Variants in SPOCK3 observed in about 807,000 individuals in gnomAD.
SPOCK3 encodes testican-3.
In SPOCK3, 30 loss-of-function variants were observed where a neutral mutation model predicts 56.6. That is an observed-to-expected ratio of 0.53 (90% confidence interval 0.40 to 0.72). The LOEUF (loss-of-function observed/expected upper bound fraction) is 0.72, where lower values mean the gene tolerates loss of function less well. Ranked by LOEUF, SPOCK3 falls within the 30% of genes least tolerant of loss-of-function variation. SPOCK3 has a pLI of 0.00. For synonymous variants in SPOCK3, 196 were observed against 183.3 expected (o/e 1.07, Z -0.56); for missense variants, 527 against 530.0 (o/e 0.99, Z 0.06).
At chr4:166,781,123 G>C (rs1285323273) in intron 7 of SPOCK3, among the ~76,000 whole-genome samples, 6 of 152,072 alleles carry the variant, frequency 3.9e-5, no homozygotes, top group Admixed American at 3.3e-4. Flanking sequence ...CATCTCTACT[G>C]TTCTACACAA....
At chr4:167,117,212 A>G (rs1392355133) in intron 2 of SPOCK3, among the ~76,000 whole-genome samples, 1 of 152,004 alleles carries the variant, frequency 6.6e-6, no homozygotes, top group Non-Finnish European at 1.5e-5. Flanking sequence ...AAACTATTAC[A>G]TATCCATAAA....
chr4:166,736,069 G>A (rs72695589), intron 10 of SPOCK3, among the ~76,000 whole-genome samples: 17 of 151,600 alleles, frequency 1.1e-4, no homozygotes, highest in African/African-American at 4.1e-4. Context: ...TAATTATTTG[G>A]TATCTAATTA....
intron 4 of SPOCK3, among the ~76,000 whole-genome samples, chr4:166,937,193 G>A (rs904091173): frequency 5.3e-5 from 8 of 151,898 alleles, no homozygotes; most frequent in Admixed American, 4.6e-4. Flanking sequence ...AGTGTTTAAT[G>A]CAGCAGAAAC....
intron 6 of SPOCK3, among the ~76,000 whole-genome samples, chr4:166,863,767 G>A (rs1383234612): frequency 1.3e-5 from 2 of 152,122 alleles, no homozygotes; most frequent in Non-Finnish European, 2.9e-5. Context: ...CAATACAGGA[G>A]CACTCAGATT....
chr4:167,004,266 G>A (rs1473697029), intron 3 of SPOCK3, among the ~76,000 whole-genome samples: 1 of 152,154 alleles, frequency 6.6e-6, no homozygotes, highest in Non-Finnish European at 1.5e-5. Flanking sequence ...CCTTAGGTAA[G>A]TTTTACAAGA....
chr4:166,776,086 C>T (rs1390520240), intron 7 of SPOCK3, among the ~76,000 whole-genome samples: 1 of 151,984 alleles, frequency 6.6e-6, no homozygotes, highest in Non-Finnish European at 1.5e-5. Flanking sequence ...AGAAATTTGA[C>T]AGAGGGACAG....
At chr4:167,216,402 A>C (rs1317954850) in intron 2 of SPOCK3, among the ~76,000 whole-genome samples, 1 of 152,142 alleles carries the variant, frequency 6.6e-6, no homozygotes, top group Non-Finnish European at 1.5e-5. Flanking sequence ...TCAAAAAAGT[A>C]TTATTGGTGC....
At chr4:167,173,355 T>C (rs917678079) in intron 2 of SPOCK3, among the ~76,000 whole-genome samples, 1 of 152,180 alleles carries the variant, frequency 6.6e-6, no homozygotes, top group Non-Finnish European at 1.5e-5. Flanking sequence ...TTGCCTTCCA[T>C]ATTTTTAAGT....
At chr4:167,080,870 C>G (rs754337088) in intron 2 of SPOCK3, among the ~76,000 whole-genome samples, 20 of 147,366 alleles carry the variant, frequency 1.4e-4, no homozygotes, top group Non-Finnish European at 2.7e-4. Flanking sequence ...CCTATATTCT[C>G]TTTCTTTCTT....
chr4:166,765,840 G>A (rs1352010854), intron 7 of SPOCK3, among the ~76,000 whole-genome samples: 2 of 152,168 alleles, frequency 1.3e-5, no homozygotes, highest in Non-Finnish European at 2.9e-5. Flanking sequence ...TCTTCCATTT[G>A]TTTGTATCCT....
At chr4:166,900,525 A>G (rs1735926499) in intron 5 of SPOCK3, among the ~76,000 whole-genome samples, 1 of 152,136 alleles carries the variant, frequency 6.6e-6, no homozygotes. Flanking sequence ...ATATATACCT[A>G]TTTTAAACAT....
chr4:166,881,472 A>T (rs1353222013), intron 6 of SPOCK3, among the ~76,000 whole-genome samples: 1 of 151,980 alleles, frequency 6.6e-6, no homozygotes, highest in Admixed American at 6.6e-5. Context: ...ACAGAAAAAG[A>T]ATTCATTTTT....
rs1022026694 is a variant in SPOCK3 at position 167,083,915 on chromosome 4, C to A, written c.190-21378G>T. Among the ~76,000 whole-genome samples the A allele has an allele frequency of 2.6e-5, 4 of 152,158 alleles. No individual in the cohort carries two copies. The South Asian group carries it at 6.2e-4, about 24-fold the overall frequency. ...CACAAAATGTTAAATAATGGTACAT[C>A]GCCTGGGTAGGCTAACTGAAAACTT... On this transcript the variant is annotated intron_variant, in intron 2 of 10. Transcript: ENST00000357545.
intron 6 of SPOCK3, among the ~76,000 whole-genome samples, chr4:166,822,198 C>G (rs551794966): frequency 1.3e-5 from 2 of 152,132 alleles, no homozygotes; most frequent in African/African-American, 4.8e-5. Context: ...CTACATAGCA[C>G]AGTCATGAAT....
chr4:166,866,050 C>A (rs1048022557), intron 6 of SPOCK3, among the ~76,000 whole-genome samples: 16 of 152,102 alleles, frequency 1.1e-4, no homozygotes, highest in Non-Finnish European at 2.1e-4. Context: ...GCTATGGTAA[C>A]CAAAACAGCA....
chr4:167,158,058 T>C (rs572500067), intron 2 of SPOCK3, among the ~76,000 whole-genome samples: 3 of 152,176 alleles, frequency 2.0e-5, no homozygotes, highest in Non-Finnish European at 4.4e-5. Flanking sequence ...TACAGCATTT[T>C]ACTTACTAAT....
At chr4:166,860,146 A>C (rs979798966) in intron 6 of SPOCK3, among the ~76,000 whole-genome samples, 1 of 152,120 alleles carries the variant, frequency 6.6e-6, no homozygotes, top group Non-Finnish European at 1.5e-5. Flanking sequence ...GAGTGTTGTA[A>C]GTCAAATAAA....
chr4:166,777,901 A>G (rs1223486978), intron 7 of SPOCK3, among the ~76,000 whole-genome samples: 2 of 152,214 alleles, frequency 1.3e-5, no homozygotes, highest in African/African-American at 4.8e-5. Flanking sequence ...GGATTACATG[A>G]AATAAGGCAA....
At chr4:167,109,416 TATAAATATATATATG>T (rs1760671712) in intron 2 of SPOCK3, among the ~76,000 whole-genome samples, 1 of 84,724 alleles carries the variant, frequency 1.2e-5, no homozygotes, top group Non-Finnish European at 2.2e-5. Flanking sequence ...TAAATATATA[TATAAATATATATATG>T]ATAAATATAT....
Sources: gnomAD v4.1 joint callset for allele counts (sites outside exome capture counted in the v4.1 genomes callset) on GRCh38, gnomAD v4.1.1 for gene constraint, MANE v1.5 for transcripts, NCBI Gene and HGNC (gene_info 2026-07-23, HGNC 2026-07-21) for gene names.